AGBL4: variants seen among roughly 807,000 people sequenced by gnomAD.
AGBL4 encodes the protein AGBL carboxypeptidase 4, also known as cytosolic carboxypeptidase 6.
Under a neutral mutation model 66.4 loss-of-function variants are expected in AGBL4, and 58 were observed. The observed-to-expected ratio is 0.87, with a 90% CI of 0.71 to 1.09. The LOEUF (loss-of-function observed/expected upper bound fraction) is 1.09. Among genes scored for constraint, AGBL4 ranks in the 50% least tolerant of loss-of-function variants. AGBL4 has a pLI of 0.00. For missense variants in AGBL4, 579 were observed against 631.0 expected (o/e 0.92, Z 0.88); for synonymous variants, 234 against 222.9 (o/e 1.05, Z -0.44).
chr1:48,666,430 G>T (rs915208065), intron 6 of AGBL4, among the ~76,000 whole-genome samples: 3 of 152,054 alleles, frequency 2.0e-5, no homozygotes, highest in African/African-American at 7.2e-5. Context: ...GGGTACAAGG[G>T]CACACTCAAA....
At chr1:49,567,788 A>C (rs1201098820) in intron 3 of AGBL4, among the ~76,000 whole-genome samples, 2 of 152,108 alleles carry the variant, frequency 1.3e-5, no homozygotes, top group African/African-American at 2.4e-5. Flanking sequence ...AAAGAAGAAA[A>C]CTTCAGGCAA....
intron 1 of AGBL4, among the ~76,000 whole-genome samples, chr1:49,957,028 A>C (rs1201946599): frequency 1.3e-5 from 2 of 152,014 alleles, no homozygotes; most frequent in Non-Finnish European, 2.9e-5. Context: ...TTAATTTGGC[A>C]TGAATGTACA....
At chr1:50,018,917 G>A (rs1394188140) in intron 1 of AGBL4, among the ~76,000 whole-genome samples, 9 of 152,046 alleles carry the variant, frequency 5.9e-5, no homozygotes, top group Admixed American at 5.9e-4. Context: ...AATTATGTAA[G>A]TCCACATTCC....
intron 6 of AGBL4, among the ~76,000 whole-genome samples, chr1:48,778,746 T>C (rs1198571255): frequency 6.6e-6 from 1 of 152,246 alleles, no homozygotes; most frequent in East Asian, 1.9e-4. Context: ...CAAAGCACTG[T>C]GCTCATATTT....
chr1:49,725,934 G>A lies in AGBL4; in HGVS notation c.158-28497C>T, dbSNP rs550713623. 7.9e-5 allele frequency among the ~76,000 whole-genome samples: 12 copies of A among 152,144 alleles called. No individual in the cohort carries two copies. In the South Asian group the frequency reaches 2.5e-3, roughly 32 times the overall value. The stretch of plus-strand genomic sequence containing the variant: ...TATTTTATACAGGTTCAGAAAAGAT[G>A]ATCTCTAAGTGAAAAAGGAAACTAA... On this transcript the variant is annotated intron_variant, in intron 2 of 13. Coordinates refer to ENST00000371839, the MANE Select transcript of AGBL4 (RefSeq NM_032785.4).
chr1:48,887,808 T>A (rs1288225503), intron 5 of AGBL4, among the ~76,000 whole-genome samples: 1 of 152,228 alleles, frequency 6.6e-6, no homozygotes, highest in East Asian at 1.9e-4. Context: ...TTTGGCCCTA[T>A]TTTTGTTGAA....
At chr1:49,148,986 C>T (rs561732700) in intron 4 of AGBL4, among the ~76,000 whole-genome samples, 7 of 152,306 alleles carry the variant, frequency 4.6e-5, no homozygotes, top group South Asian at 2.1e-4. Context: ...TTATCTTGGA[C>T]ACAGGAAGCG....
intron 3 of AGBL4, among the ~76,000 whole-genome samples, chr1:49,541,815 C>A (rs149013159): frequency 6.6e-6 from 1 of 152,220 alleles, no homozygotes; most frequent in Admixed American, 6.5e-5. Flanking sequence ...ACCTTTATGT[C>A]TAGCTAAGCG....
chr1:48,999,016 T>C (rs964712027), intron 5 of AGBL4, among the ~76,000 whole-genome samples: 12 of 152,184 alleles, frequency 7.9e-5, no homozygotes, highest in African/African-American at 2.9e-4. Context: ...TTTACTTCCA[T>C]AAAAGGAGGA....
chr1:49,519,135 G>T (rs1008534357), intron 3 of AGBL4, among the ~76,000 whole-genome samples: 4 of 152,044 alleles, frequency 2.6e-5, no homozygotes, highest in African/African-American at 9.7e-5. Context: ...GCATTGATAT[G>T]CCATAGAAGA....
intron 4 of AGBL4, among the ~76,000 whole-genome samples, chr1:49,180,213 A>C (rs1434277985): frequency 6.6e-6 from 1 of 152,176 alleles, no homozygotes; most frequent in African/African-American, 2.4e-5. Flanking sequence ...ACATCTTTAA[A>C]TCTCAGCTTC....
intron 3 of AGBL4, among the ~76,000 whole-genome samples, chr1:49,648,471 C>T (rs1645935918): frequency 1.3e-5 from 2 of 151,952 alleles, no homozygotes; most frequent in Admixed American, 6.6e-5. Flanking sequence ...ACTAAGAGTT[C>T]TCCCAAAGTT....
intron 1 of AGBL4, among the ~76,000 whole-genome samples, chr1:49,879,280 A>C (rs2148135719): frequency 6.7e-6 from 1 of 150,304 alleles, no homozygotes; most frequent in East Asian, 2.0e-4. Context: ...TTTTGGCATG[A>C]TTTTGCAGTG....
intron 1 of AGBL4, among the ~76,000 whole-genome samples, chr1:49,898,311 G>C (rs945393756): frequency 2.0e-5 from 3 of 152,086 alleles, no homozygotes; most frequent in African/African-American, 7.2e-5. Flanking sequence ...CAAAAGGCCT[G>C]AATAGACATT....
intron 3 of AGBL4, among the ~76,000 whole-genome samples, chr1:49,627,612 C>A (rs1047535235): frequency 2.6e-5 from 4 of 152,176 alleles, no homozygotes; most frequent in African/African-American, 9.6e-5. Flanking sequence ...TAGTCCCTGG[C>A]TGATAGGATG....
intron 3 of AGBL4, among the ~76,000 whole-genome samples, chr1:49,256,086 C>G (rs1652474030): frequency 1.3e-5 from 2 of 152,084 alleles, no homozygotes; most frequent in Admixed American, 1.3e-4. Flanking sequence ...ACAAAATAAT[C>G]TGTGCAGCAA....
intron 6 of AGBL4, chr1:48,776,760 G>A: frequency 6.6e-7 from 1 of 1,526,290 alleles, no homozygotes. Flanking sequence ...AGCGGGGGCT[G>A]AAGTCGCGCA....
intron 9 of AGBL4, among the ~76,000 whole-genome samples, chr1:48,618,724 T>C (rs1219740480): frequency 6.6e-6 from 1 of 152,196 alleles, no homozygotes; most frequent in Admixed American, 6.5e-5. Flanking sequence ...CCTGTGTTAG[T>C]ATTAGCCAGC....
At chr1:49,994,863 C>T (rs1352483095) in intron 1 of AGBL4, 3 of 338,446 alleles carry the variant, frequency 8.9e-6, no homozygotes, top group African/African-American at 2.1e-5. Flanking sequence ...AATACACATC[C>T]TCACTGGGGT....
Sources: gnomAD v4.1 joint callset for allele counts (sites outside exome capture counted in the v4.1 genomes callset) on GRCh38, gnomAD v4.1.1 for gene constraint, MANE v1.5 for transcripts, NCBI Gene and HGNC (gene_info 2026-07-23, HGNC 2026-07-21) for gene names.